Variants in CERS6 observed in about 807,000 individuals in gnomAD.
CERS6 encodes LAG1 homolog, ceramide synthase 6.
CERS6 carries 26 observed loss-of-function variants against 56.8 expected under a neutral mutation model. The observed-to-expected ratio is 0.46, with a 90% CI of 0.34 to 0.63. CERS6 has a LOEUF of 0.63. Ranked by LOEUF, CERS6 falls within the 30% of genes least tolerant of loss-of-function variation. The pLI is 0.01. For synonymous variants in CERS6, 164 were observed against 173.3 expected (o/e 0.95, Z 0.42); for missense variants, 415 against 467.5 (o/e 0.89, Z 1.04).
intron 1 of CERS6, among the ~76,000 whole-genome samples, chr2:168,512,515 GTCA>G (rs1214945572): frequency 6.6e-6 from 1 of 151,784 alleles, no homozygotes; most frequent in Non-Finnish European, 1.5e-5. Context: ...TGACATTTCA[GTCA>G]TCATAATCTT....
intron 4 of CERS6, among the ~76,000 whole-genome samples, chr2:168,663,837 G>T (rs928149970): frequency 2.6e-5 from 4 of 151,774 alleles, no homozygotes; most frequent in Non-Finnish European, 5.9e-5. Context: ...GTGATTTTTT[G>T]TTTGTTTGTT....
chr2:168,730,746 T>C (rs750796994), intron 8 of CERS6, among the ~76,000 whole-genome samples: 4 of 152,172 alleles, frequency 2.6e-5, no homozygotes, highest in Non-Finnish European at 4.4e-5. Context: ...AACCCACTTA[T>C]AATTTTCACA....
At chr2:168,644,287 T>C in intron 4 of CERS6, 7 of 983,500 alleles carry the variant, frequency 7.1e-6, no homozygotes, top group African/African-American at 1.7e-5. Flanking sequence ...CTCAGGAAGA[T>C]GAAGAAAGGA....
intron 8 of CERS6, among the ~76,000 whole-genome samples, chr2:168,738,046 G>C (rs1229129256): frequency 6.6e-6 from 1 of 152,190 alleles, no homozygotes; most frequent in South Asian, 2.1e-4. Context: ...TGAAGAATGT[G>C]TATTGAATAG....
intron 1 of CERS6, among the ~76,000 whole-genome samples, chr2:168,481,481 C>T (rs1207601298): frequency 2.0e-5 from 3 of 151,900 alleles, no homozygotes; most frequent in East Asian, 1.9e-4. Flanking sequence ...CTTTTTTTTG[C>T]CTGTGCTCAG....
chr2:168,491,521 A>G (rs906801723), intron 1 of CERS6, among the ~76,000 whole-genome samples: 3 of 152,050 alleles, frequency 2.0e-5, no homozygotes, highest in Admixed American at 6.6e-5. Flanking sequence ...ATAAATGCTT[A>G]TTGTAAATAC....
In CERS6 at chr2:168,482,965, T is replaced by C. The variant is rs1188915672; in HGVS notation, c.170+26347T>C. Among the ~76,000 whole-genome samples the C allele has an allele frequency of 3.9e-5, 6 of 152,352 alleles. No homozygotes were observed. In the East Asian group the frequency reaches 5.8e-4, roughly 15 times the overall value. ...CCAAAAGATAATGAGTTCATGTCTC[T>C]TGCATGTGATAGTCTGGACAGTATA... is the stretch of plus-strand genomic sequence containing the variant. On this transcript the variant is annotated intron_variant, in intron 1 of 9. Transcript: ENST00000305747.
At chr2:168,508,967 T>A (rs781372035) in intron 1 of CERS6, among the ~76,000 whole-genome samples, 13 of 152,242 alleles carry the variant, frequency 8.5e-5, no homozygotes, top group Non-Finnish European at 1.9e-4. Context: ...TTTTTATGTC[T>A]CTTATCTATC....
intron 1 of CERS6, among the ~76,000 whole-genome samples, chr2:168,474,412 A>G (rs1694030868): frequency 6.6e-6 from 1 of 152,224 alleles, no homozygotes; most frequent in African/African-American, 2.4e-5. Flanking sequence ...AAATGCATTG[A>G]AAACCTTTCA....
chr2:168,589,289 T>G (rs1239544739), intron 3 of CERS6, among the ~76,000 whole-genome samples: 1 of 152,216 alleles, frequency 6.6e-6, no homozygotes, highest in Admixed American at 6.5e-5. Flanking sequence ...CGGGCTTTAT[T>G]TTAAATGTAC....
intron 8 of CERS6, among the ~76,000 whole-genome samples, chr2:168,735,301 A>G (rs1324572631): frequency 1.3e-5 from 2 of 152,210 alleles, no homozygotes; most frequent in African/African-American, 2.4e-5. Context: ...CAAAAAAAAA[A>G]AAAGTTAATA....
Position 168,597,433 on chromosome 2 carries a change from T to G in CERS6, c.408-33552T>G, listed in dbSNP as rs752024647. ...GTTCCACATAAATAAGTAATGAATC[T>G]GTCGGATGACCACTCCCGGATTCCT... On this transcript the variant is annotated intron_variant, in intron 3 of 9. Transcript: ENST00000305747. Among the ~76,000 whole-genome samples the G allele has an allele frequency of 2.6e-5, 4 of 152,208 alleles. No individual in the cohort carries two copies. In the South Asian group the frequency reaches 8.3e-4, roughly 32 times the overall value.
At chr2:168,561,389 T>C in intron 3 of CERS6, 67 bp downstream of exon 3, 1 of 1,590,596 alleles carries the variant, frequency 6.3e-7, no homozygotes, top group Non-Finnish European at 8.6e-7. Context: ...AGGTGAAAAA[T>C]AAAAGATCTG....
intron 3 of CERS6, among the ~76,000 whole-genome samples, chr2:168,609,766 T>C (rs1164993120): frequency 1.3e-5 from 2 of 152,090 alleles, no homozygotes; most frequent in African/African-American, 4.8e-5. Context: ...TCGGCCTCTC[T>C]ACTCAACCAC....
intron 3 of CERS6, among the ~76,000 whole-genome samples, chr2:168,601,842 G>T (rs142361033): frequency 1.1e-3 from 160 of 152,116 alleles, no homozygotes; most frequent in African/African-American, 3.6e-3. Flanking sequence ...GAGCCACCTC[G>T]CCCAGCCCTC....
rs374699984 is a variant in CERS6, at chr2:168,512,754, G to A, written c.171-34842G>A. ...ATGATCTTGGCTCACTGCAACCTCC[G>A]CCTCCCAGGTTCAAGCGATTCTCCT... On this transcript the variant is annotated intron_variant, in intron 1 of 9. Coordinates refer to ENST00000305747, the MANE Select transcript of CERS6 (RefSeq NM_203463.3). Among the ~76,000 whole-genome samples the A allele has an allele frequency of 3.0e-4, 44 of 149,040 alleles. 1 individual carries two copies. The East Asian group carries it at 5.5e-3, about 19-fold the overall frequency.
At chr2:168,485,509 C>A (rs1468235103) in intron 1 of CERS6, among the ~76,000 whole-genome samples, 1 of 152,096 alleles carries the variant, frequency 6.6e-6, no homozygotes, top group African/African-American at 2.4e-5. Context: ...CTTTATGCCT[C>A]CCCCCACACT....
rs1433765931 is a variant in CERS6, at chr2:168,666,079, C to G, written c.466-24955C>G. Among the ~76,000 whole-genome samples, 3 of 151,976 alleles carry G rather than the reference C, an allele frequency of 2.0e-5. 1 individual carries two copies. The highest frequency in any genetic ancestry group is 6.6e-5 in the Admixed American group (1 of 15,244). On this transcript the variant is annotated intron_variant, in intron 4 of 9. Transcript: ENST00000305747. The stretch of plus-strand genomic sequence containing the variant: ...TGCCATCATCACCCCCTGACCCCTG[C>G]ACTCCCCAGTTTTCCCTTTTATTTA...
intron 1 of CERS6, among the ~76,000 whole-genome samples, chr2:168,478,194 G>A (rs1694114128): frequency 1.3e-5 from 2 of 152,010 alleles, no homozygotes; most frequent in Admixed American, 1.3e-4. Flanking sequence ...CCTGCTTGAT[G>A]GTTATAAGCC....
Sources: gnomAD v4.1 joint callset for allele counts (sites outside exome capture counted in the v4.1 genomes callset) on GRCh38, gnomAD v4.1.1 for gene constraint, MANE v1.5 for transcripts, NCBI Gene and HGNC (gene_info 2026-07-23, HGNC 2026-07-21) for gene names.